Variants in KCNQ1 observed in about 807,000 individuals in gnomAD.
The protein encoded by KCNQ1 is potassium voltage-gated channel subfamily Q member 1.
KCNQ1 carries 49 observed loss-of-function variants against 72.4 expected under a neutral mutation model. The ratio of observed to expected loss-of-function variants is 0.68; its 90% CI spans 0.54 to 0.86. The LOEUF is 0.86. Ranked by LOEUF, KCNQ1 falls within the 40% of genes least tolerant of loss-of-function variation. The pLI is 0.00. For synonymous variants in KCNQ1, 450 were observed against 412.6 expected (o/e 1.09, Z -1.10); for missense variants, 790 against 945.1 (o/e 0.84, Z 2.15).
chr11:2,682,470 TTTGAC>T lies in KCNQ1; in HGVS notation c.1514+20390_1514+20394del. The T allele has an allele frequency of 3.0e-6, 1 of 335,696 alleles. No individual in the cohort carries two copies. Among genetic ancestry groups the T allele is most frequent in the East Asian group, 4.9e-5 (1 of 20,496 alleles). 20.8% of individuals were successfully genotyped at this position (335,696 alleles called of 1,614,324 possible). ...GCCTGTCACGGACCCTCAGTGAATG[TTTGAC>T]GAGTGAGTGAGTGAGTGAGTGAGTG... On this transcript the variant is annotated intron_variant, in intron 11 of 15. Transcript: ENST00000155840. The surrounding 1 kb of genome is among the most constrained non-coding windows in gnomAD (Gnocchi z 5.8).
At position 2,516,750 on chromosome 11, in the gene KCNQ1, C is replaced by A. The variant is rs974626814; in HGVS notation, c.387-11178C>A. ...ACAGCCATGCCCGGCCGAATATTGC[C>A]ACAGAGGCCACCTGCCCCACCACGC... is the stretch of plus-strand genomic sequence containing the variant. On this transcript the variant is annotated intron_variant, in intron 1 of 15. Transcript: ENST00000155840. The surrounding 1 kb of genome is among the most constrained non-coding windows in gnomAD (Gnocchi z 7.0). Among the ~76,000 whole-genome samples the A allele has an allele frequency of 6.6e-6, 1 of 152,302 alleles. No individual in the cohort carries two copies. The highest frequency in any genetic ancestry group is 1.5e-5 in the Non-Finnish European group (1 of 68,034).
intron 10 of KCNQ1, among the ~76,000 whole-genome samples, chr11:2,589,427 A>G (rs1848642617): frequency 1.3e-5 from 2 of 152,072 alleles, no homozygotes; most frequent in African/African-American, 2.4e-5. Context: ...CTTCTGCGGG[A>G]CCTGACGATT....
At chr11:2,461,090 T>C (rs1846270760) in intron 1 of KCNQ1, among the ~76,000 whole-genome samples, 1 of 152,152 alleles carries the variant, frequency 6.6e-6, no homozygotes, top group Non-Finnish European at 1.5e-5. Flanking sequence ...GGGGGCAGCC[T>C]GGGGTGTTGA....
At chr11:2,551,766 A>G (rs377191463) in intron 2 of KCNQ1, among the ~76,000 whole-genome samples, 1 of 152,272 alleles carries the variant, frequency 6.6e-6, no homozygotes, top group South Asian at 2.1e-4. Context: ...AGCACTTAGT[A>G]TTGTCTGCTT....
intron 1 of KCNQ1, among the ~76,000 whole-genome samples, chr11:2,520,624 A>AT (rs1847365978): frequency 6.6e-6 from 1 of 152,032 alleles, no homozygotes; most frequent in South Asian, 2.1e-4. Context: ...GGGCGTCCAC[A>AT]TCCCAGGGCT....
rs901177824 is a variant in KCNQ1 at position 2,491,973 on chromosome 11, C to T, written c.387-35955C>T. 1.3e-5 allele frequency among the ~76,000 whole-genome samples: 2 copies of T among 152,086 alleles called. No homozygotes were observed. Among genetic ancestry groups the T allele is most frequent in the Non-Finnish European group, 2.9e-5 (2 of 68,010 alleles). ...AAACTTTTGCTCTAGAATAGTATAT[C>T]TGGTGAAAATATCCTTCCAACATGA... On this transcript the variant is annotated intron_variant, in intron 1 of 15. Transcript: ENST00000155840. This position sits in a 1 kb window ranked among gnomAD's most constrained non-coding sequence, Gnocchi z 4.1.
At chr11:2,448,253 A>C (rs1291668008) in intron 1 of KCNQ1, among the ~76,000 whole-genome samples, 1 of 152,194 alleles carries the variant, frequency 6.6e-6, no homozygotes, top group Non-Finnish European at 1.5e-5. Context: ...GGGGACCTGC[A>C]GTGCATGGAG....
rs1849212129 is a variant in KCNQ1 at position 2,623,652 on chromosome 11, T to C, written c.1393+34798T>C. 6 of 398,474 alleles carry C rather than the reference T, an allele frequency of 1.5e-5. No individual in the cohort carries two copies. The Admixed American group carries it at 2.6e-4, about 18-fold the overall frequency. The allele number at this position is 398,474 out of a possible 1,614,324, so 24.7% of individuals were successfully genotyped here. A position where few individuals can be genotyped will look rare whatever the true frequency, so the allele number is the denominator to read the frequency against. On this transcript the variant is annotated intron_variant, in intron 10 of 15. Coordinates refer to ENST00000155840, the MANE Select transcript of KCNQ1 (RefSeq NM_000218.3). The surrounding 1 kb of genome is among the most constrained non-coding windows in gnomAD (Gnocchi z 5.2). ...ATTTCATTGCCTGGATGTACTACAG[T>C]TTATCTGTCTACTCACCTATGGAAG... is the stretch of plus-strand genomic sequence containing the variant.
chr11:2,833,330 C>T (rs1182096720), intron 15 of KCNQ1, among the ~76,000 whole-genome samples: 2 of 152,180 alleles, frequency 1.3e-5, no homozygotes, highest in African/African-American at 4.8e-5. Flanking sequence ...TGCCCTGGAG[C>T]CGAGTCCTCC....
Position 2,488,270 on chromosome 11 carries a change from T to G in KCNQ1, c.387-39658T>G, listed in dbSNP as rs181610982. On this transcript the variant is annotated intron_variant, in intron 1 of 15. Transcript: ENST00000155840. This position sits in a 1 kb window ranked among gnomAD's most constrained non-coding sequence, Gnocchi z 5.1. ...TATGTTTCTGAACTCAGTTTGCTAT[T>G]TTGTTGAGAATTTTGCATCAGTTTT... 7.9e-4 allele frequency among the ~76,000 whole-genome samples: 121 copies of G among 152,334 alleles called. No individual in the cohort carries two copies. The highest frequency in any genetic ancestry group is 1.5e-3 in the Non-Finnish European group (99 of 68,020).
chr11:2,698,861 C>T lies in KCNQ1; in HGVS notation c.1514+36780C>T, dbSNP rs987008012. 8.0e-5 allele frequency: 32 copies of T among 398,700 alleles called. No individual in the cohort carries two copies. The highest frequency in any genetic ancestry group is 6.2e-4 in the African/African-American group (30 of 48,618). The allele number at this position is 398,700 out of a possible 1,614,324, so 24.7% of individuals were successfully genotyped here. A position where few individuals can be genotyped will look rare whatever the true frequency, so the allele number is the denominator to read the frequency against. ...CCACCATGCGGACTCCAGACCCGGA[C>T]TGACTGGGACCCCAACTACTCAGAT... is the stretch of plus-strand genomic sequence containing the variant. On this transcript the variant is annotated intron_variant, in intron 11 of 15. Coordinates refer to ENST00000155840, the MANE Select transcript of KCNQ1 (RefSeq NM_000218.3). This position sits in a 1 kb window ranked among gnomAD's most constrained non-coding sequence, Gnocchi z 5.1.
At position 2,572,218 on chromosome 11, in the gene KCNQ1, T is replaced by C. The variant is rs556336616; in HGVS notation, c.780+109T>C. Reference sequence around the variant, plus strand: ...GATGCGCTGAGGCCCCGGGGGCCGGTGGGTGCCTGGGCGCAGGGGTACCTG... The same window carrying C: ...GATGCGCTGAGGCCCCGGGGGCCGGCGGGTGCCTGGGCGCAGGGGTACCTG... On this transcript the variant is annotated intron_variant, in intron 5 of 15. Transcript: ENST00000155840. 1.5e-4 allele frequency: 120 copies of C among 784,368 alleles called. No individual in the cohort carries two copies. In the African/African-American group the frequency reaches 1.6e-3, roughly 10 times the overall value. The allele number at this position is 784,368 out of a possible 1,614,324, so 48.6% of individuals were successfully genotyped here.
rs557818598 is a variant in KCNQ1 at position 2,463,005 on chromosome 11, G to A, written c.386+17521G>A. Among the ~76,000 whole-genome samples the A allele has an allele frequency of 2.0e-3, 297 of 152,242 alleles. No individual in the cohort carries two copies. The highest frequency in any genetic ancestry group is 6.3e-3 in the African/African-American group (260 of 41,536). The stretch of plus-strand genomic sequence containing the variant: ...GGGTGAGGCCCCTGAACTGGTAAGC[G>A]GGGCAGCGGCGGCAGGGGGCCCAGG... On this transcript the variant is annotated intron_variant, in intron 1 of 15. Coordinates refer to ENST00000155840, the MANE Select transcript of KCNQ1 (RefSeq NM_000218.3). The surrounding 1 kb of genome is among the most constrained non-coding windows in gnomAD (Gnocchi z 7.0).
chr11:2,680,356 G>T, intron 11 of KCNQ1: 1 of 397,648 alleles, frequency 2.5e-6, no homozygotes, highest in Non-Finnish European at 4.4e-6. Context: ...ACAAATAGAA[G>T]CAGTTTACCC....
intron 15 of KCNQ1, among the ~76,000 whole-genome samples, chr11:2,791,470 A>C (rs887665959): frequency 2.0e-5 from 3 of 152,180 alleles, no homozygotes; most frequent in African/African-American, 7.2e-5. Context: ...GCCTGCCCCC[A>C]GCCGGTTCTG....
chr11:2,788,020 C>G (rs192747910), intron 15 of KCNQ1, among the ~76,000 whole-genome samples: 1 of 152,256 alleles, frequency 6.6e-6, no homozygotes, highest in Non-Finnish European at 1.5e-5. Context: ...GTGTGGCTCC[C>G]CCAACGTTTA....
rs78937903 is a variant in KCNQ1, at chr11:2,457,653, T to G, written c.386+12169T>G. Among the ~76,000 whole-genome samples the G allele has an allele frequency of 0.041, 6,159 of 151,346 alleles. 406 individuals are homozygous for G. The highest frequency in any genetic ancestry group is 0.14 in the African/African-American group (5,631 of 40,916). ...TGGGGAGGGGGGAAGGGGAGCAAGG[T>G]TTGAAAAGTTACCTGTGGGTGCTGT... is the stretch of plus-strand genomic sequence containing the variant. On this transcript the variant is annotated intron_variant, in intron 1 of 15. Coordinates refer to ENST00000155840, the MANE Select transcript of KCNQ1 (RefSeq NM_000218.3). The surrounding 1 kb of genome is among the most constrained non-coding windows in gnomAD (Gnocchi z 5.0).
Position 2,668,698 on chromosome 11 carries a change from A to T in KCNQ1, c.1514+6617A>T, listed in dbSNP as rs776901238. 2 of 398,586 alleles carry T rather than the reference A, an allele frequency of 5.0e-6. No individual in the cohort carries two copies. Among genetic ancestry groups the T allele is most frequent in the Non-Finnish European group, 8.8e-6 (2 of 226,062 alleles). The allele number at this position is 398,586 out of a possible 1,614,324, so 24.7% of individuals were successfully genotyped here. The stretch of plus-strand genomic sequence containing the variant: ...GTCAGAGAGAGAGATACACACACTC[A>T]CACTCTCTCACAGACACACACATTG... On this transcript the variant is annotated intron_variant, in intron 11 of 15. Coordinates refer to ENST00000155840, the MANE Select transcript of KCNQ1 (RefSeq NM_000218.3). The surrounding 1 kb of genome is among the most constrained non-coding windows in gnomAD (Gnocchi z 4.3).
intron 1 of KCNQ1, among the ~76,000 whole-genome samples, chr11:2,465,972 C>T (rs2133589145): frequency 6.6e-6 from 1 of 152,316 alleles, no homozygotes; most frequent in South Asian, 2.1e-4. Flanking sequence ...CCTTGGGGAG[C>T]TTGGTGACGG....
Sources: gnomAD v4.1 joint callset for allele counts (sites outside exome capture counted in the v4.1 genomes callset) on GRCh38, gnomAD v4.1.1 for gene constraint, Gnocchi (gnomAD v3.1) non-coding constraint, MANE v1.5 for transcripts, NCBI Gene and HGNC (gene_info 2026-07-23, HGNC 2026-07-21) for gene names.